HMCN1: variants seen among roughly 807,000 people sequenced by gnomAD.
The protein encoded by HMCN1 is hemicentin 1.
Under a neutral mutation model 625.9 loss-of-function variants are expected in HMCN1, and 321 were observed. The observed-to-expected ratio is 0.51, with a 90% CI of 0.47 to 0.56. The LOEUF (loss-of-function observed/expected upper bound fraction) is 0.56, where lower values mean the gene tolerates loss of function less well. Ranked by LOEUF, HMCN1 falls within the 20% of genes least tolerant of loss-of-function variation. The pLI, the probability that HMCN1 is intolerant of heterozygous loss-of-function variation, is 0.00. For synonymous variants in HMCN1, 2,425 were observed against 2,417.6 expected (o/e 1.00, Z -0.09); for missense variants, 6,588 against 6,887.3 (o/e 0.96, Z 1.54).
chr1:186,181,647 TAA>T (rs1221511863), intron 104 of HMCN1, among the ~76,000 whole-genome samples: 3 of 152,118 alleles, frequency 2.0e-5, no homozygotes, highest in African/African-American at 7.2e-5. Context: ...GTCACAAAAA[TAA>T]AAAACATTTC....
In HMCN1 at chr1:185,859,433, T is replaced by C. The variant is rs192775794; in HGVS notation, c.340-5037T>C. ...CAAAAGAAGTTGAAATTAATTTCAATAATCTATTTACTTAACTGAATATAT... is the reference window on the plus strand; with the variant it reads ...CAAAAGAAGTTGAAATTAATTTCAACAATCTATTTACTTAACTGAATATAT... On this transcript the variant is annotated intron_variant, in intron 2 of 106. Coordinates refer to ENST00000271588, the MANE Select transcript of HMCN1 (RefSeq NM_031935.3). Among the ~76,000 whole-genome samples the C allele has an allele frequency of 5.5e-3, 832 of 152,290 alleles. 6 individuals are homozygous for C. Among genetic ancestry groups the C allele is most frequent in the African/African-American group, 0.019 (792 of 41,566 alleles).
At position 186,001,359 on chromosome 1, in the gene HMCN1, G is replaced by T; in HGVS notation, c.4131G>T (p.Leu1377=). Residue 1377 remains leucine (L), a synonymous_variant, in exon 27 of 107, where the codon CTG becomes CTT. Transcript: ENST00000271588. ...ATGTGTCGGTGTTGTTAAATCAGCT[G>T]ACCAATCTCTTCTGTGAAGTGGAAG... ...VTNVSVLLNQ[L]TNLFCEVEGT... is the part of the protein sequence containing the mutation. 6.2e-7 allele frequency: 1 copy of T among 1,611,834 alleles called. No individual in the cohort carries two copies. Among genetic ancestry groups the T allele is most frequent in the South Asian group, 1.1e-5 (1 of 91,024 alleles).
intron 4 of HMCN1, among the ~76,000 whole-genome samples, chr1:185,880,921 C>T (rs745751970): frequency 2.6e-5 from 4 of 152,178 alleles, no homozygotes; most frequent in Admixed American, 6.5e-5. Flanking sequence ...ATCCACCCCT[C>T]GAGGGAGGGA....
chr1:186,185,118 A>G (rs989531602), intron 105 of HMCN1, among the ~76,000 whole-genome samples: 1 of 152,200 alleles, frequency 6.6e-6, no homozygotes, highest in African/African-American at 2.4e-5. Context: ...ATATTTCTTT[A>G]TAGATTCATA....
intron 19 of HMCN1, among the ~76,000 whole-genome samples, chr1:185,986,832 A>G (rs1254284506): frequency 6.7e-6 from 1 of 149,872 alleles, no homozygotes; most frequent in Non-Finnish European, 1.5e-5. Flanking sequence ...GTCTCAAAAA[A>G]AAAAAAAAAA....
chr1:185,863,102 T>C (rs551245944), intron 2 of HMCN1, among the ~76,000 whole-genome samples: 1 of 152,262 alleles, frequency 6.6e-6, no homozygotes, highest in Non-Finnish European at 1.5e-5. Context: ...AAAGACCCAA[T>C]AGGAAAATCA....
intron 83 of HMCN1, 77 bp from the exon 84 acceptor site, chr1:186,129,889 T>G: frequency 6.4e-7 from 1 of 1,559,604 alleles, no homozygotes; most frequent in South Asian, 1.1e-5. Flanking sequence ...ATAAATCTAA[T>G]GTGCAAAATA....
Position 185,997,483 on chromosome 1 carries a change from G to C in HMCN1, c.3833G>C (p.Arg1278Thr), listed in dbSNP as rs1652874464. The change falls in exon 25 of 107, where the codon AGA (arginine) becomes ACA (threonine). Residue 1278 changes from arginine to threonine, a missense_variant. By Grantham distance (71) the Arg-to-Thr change is moderately conservative. Around this residue, in one of 3 missense-constraint regions of HMCN1, gnomAD observed 4,628 missense variants for 4,853.1 expected, o/e 0.95. Coordinates refer to ENST00000271588, the MANE Select transcript of HMCN1 (RefSeq NM_031935.3). ...CCATATAACACTACTTTCCAAGAAA[G>C]AGTGGCCAATCAACGCATTGAATTT... ...EPPYNTTFQE[R>T]VANQRIEFPC... is the part of the protein sequence containing the mutation. The C allele has an allele frequency of 1.2e-6, 2 of 1,612,892 alleles. No homozygotes were observed. The highest frequency in any genetic ancestry group is 1.3e-5 in the African/African-American group (1 of 74,998).
At chr1:186,002,027 T>G (rs1391277003) in intron 28 of HMCN1, among the ~76,000 whole-genome samples, 3 of 152,064 alleles carry the variant, frequency 2.0e-5, no homozygotes, top group Non-Finnish European at 2.9e-5. Flanking sequence ...ATTATTACTC[T>G]TGTCAATTTC....
chr1:186,188,868 C>T (rs1653526396), intron 106 of HMCN1, among the ~76,000 whole-genome samples: 1 of 152,144 alleles, frequency 6.6e-6, no homozygotes, highest in African/African-American at 2.4e-5. Context: ...AGAATCCTAT[C>T]TTCATAAAAT....
chr1:186,110,492 T>C (rs1265061503), intron 71 of HMCN1, among the ~76,000 whole-genome samples: 1 of 152,186 alleles, frequency 6.6e-6, no homozygotes, highest in Non-Finnish European at 1.5e-5. Flanking sequence ...TCCATTAGCT[T>C]TGGCAATACA....
chr1:185,797,793 C>T (rs1194427448), intron 1 of HMCN1, among the ~76,000 whole-genome samples: 8 of 140,970 alleles, frequency 5.7e-5, no homozygotes, highest in Admixed American at 2.7e-4. Flanking sequence ...GGTGAAACCC[C>T]GTCTCTACTA....
At chr1:185,760,385 G>A (rs192738637) in intron 1 of HMCN1, among the ~76,000 whole-genome samples, 50 of 152,282 alleles carry the variant, frequency 3.3e-4, no homozygotes, top group Non-Finnish European at 5.1e-4. Context: ...AGTAGAGCCC[G>A]GGTAGTTGTG....
intron 1 of HMCN1, among the ~76,000 whole-genome samples, chr1:185,784,462 A>G (rs1435654749): frequency 3.3e-5 from 5 of 151,560 alleles, no homozygotes; most frequent in Admixed American, 3.3e-4. Context: ...GGAGCTGTCG[A>G]CTGGAGCTGT....
intron 9 of HMCN1, 25 bp downstream of exon 9, chr1:185,925,216 T>G (rs762258649): frequency 1.3e-6 from 2 of 1,597,654 alleles, no homozygotes; most frequent in African/African-American, 2.7e-5. Context: ...CTGTCAGTAA[T>G]AAGATTCAGC....
chr1:186,107,090 A>G, intron 70 of HMCN1, 125 bp downstream of exon 70: 1 of 741,794 alleles, frequency 1.3e-6, no homozygotes, highest in South Asian at 1.5e-5. Flanking sequence ...GCAAATCTGA[A>G]TCTTTTTTTT....
chr1:185,908,048 T>A (rs1666193868), intron 4 of HMCN1, among the ~76,000 whole-genome samples: 1 of 151,668 alleles, frequency 6.6e-6, no homozygotes, highest in Admixed American at 6.6e-5. Flanking sequence ...GAAAAAAAAA[T>A]AAGAAATGCA....
intron 3 of HMCN1, 93 bp downstream of exon 3, chr1:185,864,721 A>G: frequency 2.7e-6 from 3 of 1,114,822 alleles, no homozygotes; most frequent in Non-Finnish European, 4.0e-6. Context: ...GGTCAATAAC[A>G]ATAATTATAA....
At chr1:186,102,699 G>A (rs371150621) in intron 68 of HMCN1, among the ~76,000 whole-genome samples, 1 of 152,084 alleles carries the variant, frequency 6.6e-6, no homozygotes, top group East Asian at 1.9e-4. Flanking sequence ...AACCCCTGGC[G>A]CTGTCCAACA....
Sources: gnomAD v4.1 joint callset for allele counts (sites outside exome capture counted in the v4.1 genomes callset) on GRCh38, gnomAD v4.1.1 for gene constraint, gnomAD v4.1.1 regional missense constraint, MANE v1.5 for transcripts, NCBI Gene and HGNC (gene_info 2026-07-23, HGNC 2026-07-21) for gene names.